Variants in SP100 observed in about 807,000 individuals in gnomAD.
The protein encoded by SP100 is nuclear autoantigen Sp-100.
SP100 carries 84 observed loss-of-function variants against 130.0 expected under a neutral mutation model. That is an observed-to-expected ratio of 0.65 (90% CI 0.54 to 0.77). The LOEUF (loss-of-function observed/expected upper bound fraction) is 0.77, where lower values mean the gene tolerates loss of function less well. Among genes scored for constraint, SP100 ranks in the 30% least tolerant of loss-of-function variants. The pLI, the probability that SP100 is intolerant of heterozygous loss-of-function variation, is 0.00. For synonymous variants in SP100, 331 were observed against 351.7 expected (o/e 0.94, Z 0.66); for missense variants, 978 against 1,052.2 (o/e 0.93, Z 0.97).
chr2:230,512,466 T>G (rs1394709843), intron 24 of SP100, among the ~76,000 whole-genome samples: 4 of 151,494 alleles, frequency 2.6e-5, no homozygotes, highest in Non-Finnish European at 4.4e-5. Flanking sequence ...ATTTTTGTAT[T>G]TTTAGTAGAG....
chr2:230,469,145 CA>C, intron 14 of SP100, 49 bp downstream of exon 14: 1 of 1,113,534 alleles, frequency 9.0e-7, no homozygotes, highest in African/African-American at 1.5e-5. Context: ...TTATTTGCTG[CA>C]AAAGCTACAT....
In SP100 at chr2:230,543,905, A is replaced by G. The variant is rs954721174; in HGVS notation, c.*959A>G. ...AAGGCATCACGTTACCCCACTTCAA[A>G]CTATATTACAGGGCTTCAGTAACCA... is the stretch of plus-strand genomic sequence containing the variant. On this transcript the variant is annotated 3_prime_UTR_variant, in exon 29 of 29. Coordinates refer to ENST00000340126, the MANE Select transcript of SP100 (RefSeq NM_001080391.2). 6.6e-6 allele frequency: 1 copy of G among 152,196 alleles called. No individual in the cohort carries two copies. Among genetic ancestry groups the G allele is most frequent in the African/African-American group, 2.4e-5 (1 of 41,460 alleles). The allele number at this position is 152,196 out of a possible 1,614,324, so 9.4% of individuals were successfully genotyped here. A position where few individuals can be genotyped will look rare whatever the true frequency, so the allele number is the denominator to read the frequency against.
chr2:230,472,534 T>A (rs2065327353), intron 15 of SP100, among the ~76,000 whole-genome samples: 1 of 137,206 alleles, frequency 7.3e-6, no homozygotes, highest in African/African-American at 2.8e-5. Flanking sequence ...ACCTCAATAA[T>A]AAAACTAGAT....
chr2:230,488,916 A>G (rs1022115707), intron 17 of SP100, among the ~76,000 whole-genome samples: 1 of 152,192 alleles, frequency 6.6e-6, no homozygotes, highest in African/African-American at 2.4e-5. Flanking sequence ...TGCTGGATTC[A>G]GTTTGCCAGT....
In SP100 at chr2:230,469,113, A is replaced by C. The variant is rs764403079; in HGVS notation, c.1345+17A>C. 1 of 1,510,052 alleles carries C rather than the reference A, an allele frequency of 6.6e-7. No individual in the cohort carries two copies. Among genetic ancestry groups the C allele is most frequent in the Non-Finnish European group, 9.2e-7 (1 of 1,091,354 alleles). 93.5% of individuals were successfully genotyped at this position (1,510,052 alleles called of 1,614,324 possible). A position where few individuals can be genotyped will look rare whatever the true frequency, so the allele number is the denominator to read the frequency against. ...GGAAGAGACGTAAGAGCAATTAAAAACTCTTGATGTAACAAATGTCTTTAT... is the reference window on the plus strand; with the variant it reads ...GGAAGAGACGTAAGAGCAATTAAAACCTCTTGATGTAACAAATGTCTTTAT... On this transcript the variant is annotated intron_variant, in intron 14 of 28. Transcript: ENST00000340126.
At chr2:230,479,145 T>C (rs1163638203) in intron 17 of SP100, among the ~76,000 whole-genome samples, 1 of 152,218 alleles carries the variant, frequency 6.6e-6, no homozygotes, top group Non-Finnish European at 1.5e-5. Context: ...ATTTTTCAAC[T>C]ACAGCTCTCC....
intron 22 of SP100, 130 bp from the exon 23 acceptor site, chr2:230,507,863 A>G: frequency 6.3e-6 from 5 of 791,220 alleles, no homozygotes; most frequent in Non-Finnish European, 1.0e-5. Flanking sequence ...AGTAATTTCC[A>G]TGAAAATACC....
At chr2:230,457,118 GGCAGGCTTGCTGCTAGAGTCCTCAA>G (rs2064315117) in intron 8 of SP100, among the ~76,000 whole-genome samples, 1 of 152,208 alleles carries the variant, frequency 6.6e-6, no homozygotes. Context: ...ATGGTACAAG[GGCAGGCTTGCTGCTAGAGTCCTCAA>G]GCAGGCTAGT....
At chr2:230,435,626 T>A (rs1159182283) in intron 2 of SP100, among the ~76,000 whole-genome samples, 1 of 152,146 alleles carries the variant, frequency 6.6e-6, no homozygotes, top group Non-Finnish European at 1.5e-5. Flanking sequence ...CAGGCAAAAG[T>A]GTGCCATGGT....
chr2:230,508,894 T>A (rs193040146), intron 23 of SP100: 5 of 151,198 alleles, frequency 3.3e-5, no homozygotes, highest in African/African-American at 1.2e-4. Flanking sequence ...CATTCTCTCC[T>A]TTTCTTTTAT....
intron 3 of SP100, 34 bp downstream of exon 3, chr2:230,443,133 A>C (rs370919577): frequency 4.4e-6 from 7 of 1,605,170 alleles, no homozygotes; most frequent in African/African-American, 1.3e-5. Flanking sequence ...AATCTGGTAA[A>C]GCAGCCCCAA....
At position 230,449,109 on chromosome 2, in the gene SP100, G is replaced by A. The variant is rs766236977; in HGVS notation, c.545G>A (p.Arg182Gln). The change falls in exon 6 of 29, where the codon CGA (arginine) becomes CAA (glutamine). Residue 182 changes from arginine to glutamine, a missense_variant. Physicochemically the swap from Arg to Gln is conservative, Grantham distance 43. Transcript: ENST00000340126. Reference sequence around the variant, plus strand: ...CCAGGAACTGGTGAAAACTCTTTTCGAAGCCTGACTTGGCCACCTTCGGGT... The same window carrying A: ...CCAGGAACTGGTGAAAACTCTTTTCAAAGCCTGACTTGGCCACCTTCGGGT... Reference protein sequence around the residue: ...LEQGTGENSFRSLTWPPSGSP... With the variant: ...LEQGTGENSFQSLTWPPSGSP... The A allele has an allele frequency of 3.2e-5, 51 of 1,611,684 alleles. No individual in the cohort carries two copies. The highest frequency in any genetic ancestry group is 1.3e-4 in the African/African-American group (10 of 74,870).
intron 15 of SP100, chr2:230,470,325 G>T: frequency 8.4e-7 from 1 of 1,191,714 alleles, no homozygotes. Flanking sequence ...ATTATATTTT[G>T]TTGTTGTAGA....
Position 230,444,704 on chromosome 2 carries a change from C to T in SP100, c.439+358C>T, listed in dbSNP as rs116282226. ...ATCCACCAAATTGACTACTACCTGC[C>T]CTGAGTGACAGCTTAGCTGTGGGTG... On this transcript the variant is annotated intron_variant, in intron 4 of 28. Transcript: ENST00000340126. 9.3e-3 allele frequency among the ~76,000 whole-genome samples: 1,414 copies of T among 152,290 alleles called. 24 individuals carry two copies. The highest frequency in any genetic ancestry group is 0.032 in the African/African-American group (1,347 of 41,558).
At chr2:230,466,203 A>AAAAAAAAAATTTTTTATTAAC in intron 11 of SP100, 98 bp from the exon 12 acceptor site, 1 of 599,876 alleles carries the variant, frequency 1.7e-6, no homozygotes, top group Non-Finnish European at 3.0e-6. Context: ...AAAAAAAAAA[A>AAAAAAAAAATTTTTTATTAAC]CTTTGTTATT....
chr2:230,494,293 G>T, intron 17 of SP100, 123 bp from the exon 18 acceptor site: 1 of 742,506 alleles, frequency 1.3e-6, no homozygotes, highest in Non-Finnish European at 2.3e-6. Flanking sequence ...TGGTGGCCGA[G>T]GACTTAGCCC....
At chr2:230,499,224 C>A (rs2066869860) in intron 19 of SP100, among the ~76,000 whole-genome samples, 1 of 151,760 alleles carries the variant, frequency 6.6e-6, no homozygotes, top group South Asian at 2.1e-4. Flanking sequence ...CCACCTCCAC[C>A]ACATAGAGGC....
rs1158334612 is a variant in SP100 at position 230,530,525 on chromosome 2, G to T, written c.2095-8742G>T. Among the ~76,000 whole-genome samples the T allele has an allele frequency of 5.3e-5, 8 of 152,288 alleles. No homozygotes were observed. In the East Asian group the frequency reaches 1.5e-3, roughly 29 times the overall value. On this transcript the variant is annotated intron_variant, in intron 24 of 28. Transcript: ENST00000340126. ...CATTCAGGATATAGGCATGGGCAAA[G>T]ACTTCATGACTAAAACACCAAAAGC...
rs2063593833 is a variant in SP100, at chr2:230,444,361, T to A, written c.439+15T>A. ...CTTTGAAAATGGTAATTAGATTTAT[T>A]ATCTACCTTTTTATTTCCAGGGCCA... On this transcript the variant is annotated intron_variant, in intron 4 of 28. Coordinates refer to ENST00000340126, the MANE Select transcript of SP100 (RefSeq NM_001080391.2). The A allele has an allele frequency of 1.2e-6, 2 of 1,602,824 alleles. No homozygotes were observed. The highest frequency in any genetic ancestry group is 2.7e-5 in the African/African-American group (2 of 74,230).
Sources: gnomAD v4.1 joint callset for allele counts (sites outside exome capture counted in the v4.1 genomes callset) on GRCh38, gnomAD v4.1.1 for gene constraint, MANE v1.5 for transcripts, NCBI Gene and HGNC (gene_info 2026-07-23, HGNC 2026-07-21) for gene names.